Variants in PCGF5 observed in about 807,000 individuals in gnomAD.
PCGF5 encodes the protein polycomb group RING finger protein 5.
In PCGF5, 9 loss-of-function variants were observed where a neutral mutation model predicts 44.3. The ratio of observed to expected loss-of-function variants is 0.20; its 90% CI spans 0.12 to 0.35. PCGF5 has a LOEUF of 0.35. Among genes scored for constraint, PCGF5 ranks in the 10% least tolerant of loss-of-function variants. The pLI is 1.00. For missense variants in PCGF5, 146 were observed against 305.3 expected (o/e 0.48, Z 3.89); for synonymous variants, 95 against 102.5 (o/e 0.93, Z 0.44).
At chr10:91,202,392 G>A (rs1250879049) in intron 1 of PCGF5, among the ~76,000 whole-genome samples, 1 of 152,188 alleles carries the variant, frequency 6.6e-6, no homozygotes, top group Non-Finnish European at 1.5e-5. Flanking sequence ...TTGTGACCTT[G>A]AGAGAGTTAA....
upstream of PCGF5, among the ~76,000 whole-genome samples, chr10:91,218,081 G>A (rs945084772): frequency 5.3e-5 from 8 of 152,234 alleles, no homozygotes; most frequent in South Asian, 4.1e-4. Flanking sequence ...GCCACCGTGC[G>A]CAGCCCTAAT....
At chr10:91,277,849 A>C (rs1328966949) in intron 9 of PCGF5, among the ~76,000 whole-genome samples, 1 of 151,970 alleles carries the variant, frequency 6.6e-6, no homozygotes, top group Admixed American at 6.6e-5. Flanking sequence ...TTGATTTGTG[A>C]TCTAGTGGGC....
upstream of PCGF5, among the ~76,000 whole-genome samples, chr10:91,161,477 G>A (rs1843381477): frequency 6.6e-6 from 1 of 152,204 alleles, no homozygotes; most frequent in African/African-American, 2.4e-5. Flanking sequence ...ACCTAACAGG[G>A]CCGGAAGGCT....
At chr10:91,270,057 T>C (rs907783275) in intron 8 of PCGF5, among the ~76,000 whole-genome samples, 1 of 152,226 alleles carries the variant, frequency 6.6e-6, no homozygotes, top group East Asian at 1.9e-4. Flanking sequence ...TAATAACTTA[T>C]GCATATTAAC....
intron 8 of PCGF5, among the ~76,000 whole-genome samples, chr10:91,266,976 A>G (rs1487270716): frequency 6.6e-6 from 1 of 152,148 alleles, no homozygotes; most frequent in Non-Finnish European, 1.5e-5. Flanking sequence ...CTCTTAGGAC[A>G]GGTTAGAACA....
At position 91,164,410 on chromosome 10, in the gene PCGF5, G is replaced by C. The variant is rs977798077; in HGVS notation, c.-184+1329G>C. Among the ~76,000 whole-genome samples the C allele has an allele frequency of 2.6e-5, 4 of 152,338 alleles. No homozygotes were observed. The South Asian group carries it at 6.2e-4, about 24-fold the overall frequency. On this transcript the variant is annotated intron_variant, in intron 1 of 9. Transcript: ENST00000614189. ...AAATTCCACCTGGCTACATTAACCG[G>C]TTGAGGAGCGCTGGTTCGCTGCAGG...
intron 8 of PCGF5, among the ~76,000 whole-genome samples, chr10:91,266,899 A>G (rs1169260443): frequency 6.6e-6 from 1 of 152,124 alleles, no homozygotes; most frequent in East Asian, 1.9e-4. Context: ...CCATTCTCCT[A>G]GCAAGGCTCT....
At chr10:91,234,140 C>T (rs1845088139) in intron 2 of PCGF5, among the ~76,000 whole-genome samples, 1 of 152,040 alleles carries the variant, frequency 6.6e-6, no homozygotes, top group African/African-American at 2.4e-5. Flanking sequence ...TGTGTAGACA[C>T]CCTCAAGAAC....
chr10:91,166,808 A>G (rs573172919), intron 1 of PCGF5, among the ~76,000 whole-genome samples: 1 of 152,338 alleles, frequency 6.6e-6, no homozygotes, highest in East Asian at 1.9e-4. Context: ...AATGCCATCT[A>G]CCTTGAAGGA....
In PCGF5 at chr10:91,214,309, T is replaced by TAA. The variant is rs71025346; in HGVS notation, c.-183-8367_-183-8366dup. On this transcript the variant is annotated intron_variant, in intron 1 of 9. Transcript: ENST00000614189. ...AGACTTTGTCTTAAAAAATATATGT[T>TAA]AAAAAAAAAAAAAAGGAGAGACAGA... Among the ~76,000 whole-genome samples, 228 of 139,192 alleles carry TAA rather than the reference T, an allele frequency of 1.6e-3. 2 individuals are homozygous for TAA. In the East Asian group the frequency reaches 0.033, roughly 20 times the overall value. 91.3% of individuals were successfully genotyped at this position (139,192 alleles called of 152,430 possible).
chr10:91,249,361 G>T (rs1449477666), intron 5 of PCGF5, among the ~76,000 whole-genome samples: 2 of 133,002 alleles, frequency 1.5e-5, no homozygotes, highest in South Asian at 2.4e-4. Flanking sequence ...GCAGATAAAA[G>T]GCTTTTAGTG....
chr10:91,224,870 T>C (rs1844775053), intron 2 of PCGF5, among the ~76,000 whole-genome samples: 2 of 152,186 alleles, frequency 1.3e-5, no homozygotes, highest in Non-Finnish European at 2.9e-5. Context: ...TTGGCTACCC[T>C]AGAGTTATAT....
chr10:91,220,371 G>A (rs1271526015), upstream of PCGF5: 1 of 152,202 alleles, frequency 6.6e-6, no homozygotes, highest in Admixed American at 6.5e-5. Context: ...AACCCTCCAG[G>A]GAAAATATGC....
chr10:91,179,196 C>G (rs17106346), intron 1 of PCGF5, among the ~76,000 whole-genome samples: 2,913 of 152,210 alleles, frequency 0.019, 81 homozygotes, highest in East Asian at 0.084. Flanking sequence ...ACTCTCTATC[C>G]TCAGATCTGA....
chr10:91,263,093 CT>C (rs937127875), intron 7 of PCGF5, among the ~76,000 whole-genome samples: 10 of 152,122 alleles, frequency 6.6e-5, no homozygotes, highest in African/African-American at 2.4e-4. Context: ...TTTCCTGTGA[CT>C]TTTGGGAATC....
chr10:91,251,595 G>A (rs1281170069), intron 6 of PCGF5, among the ~76,000 whole-genome samples, 155 bp downstream of exon 6: 3 of 151,946 alleles, frequency 2.0e-5, no homozygotes, highest in Non-Finnish European at 4.4e-5. Flanking sequence ...CCTATGCTTA[G>A]AAATGGTTAC....
chr10:91,237,035 G>C (rs1845183760), intron 2 of PCGF5, among the ~76,000 whole-genome samples: 1 of 152,152 alleles, frequency 6.6e-6, no homozygotes, highest in Admixed American at 6.5e-5. Flanking sequence ...ACATACATTG[G>C]TTAACAAAAT....
intron 7 of PCGF5, among the ~76,000 whole-genome samples, chr10:91,263,561 G>C (rs1355379286): frequency 6.6e-6 from 1 of 152,084 alleles, no homozygotes; most frequent in East Asian, 1.9e-4. Flanking sequence ...AATCTTTCCA[G>C]TTTGTTTTTA....
the PCGF5 span, among the ~76,000 whole-genome samples, chr10:91,157,998 G>T: frequency 9.2e-5 from 14 of 152,224 alleles, no homozygotes; most frequent in Non-Finnish European, 1.5e-4. Context: ...TGGCCTTGAA[G>T]TAAAAGAGAG....
Sources: gnomAD v4.1 joint callset for allele counts (sites outside exome capture counted in the v4.1 genomes callset) on GRCh38, gnomAD v4.1.1 for gene constraint, MANE v1.5 for transcripts, NCBI Gene and HGNC (gene_info 2026-07-23, HGNC 2026-07-21) for gene names.